The following SCRG1 variants were observed in gnomAD, a reference collection of about 807,000 sequenced individuals.
SCRG1 encodes the protein stimulator of chondrogenesis 1.
Under a neutral mutation model 7.7 loss-of-function variants are expected in SCRG1, and 3 were observed. The observed-to-expected ratio is 0.39, with a 90% CI of 0.18 to 1.01. The LOEUF is 1.01. Among genes scored for constraint, SCRG1 ranks in the 50% least tolerant of loss-of-function variants. The probability of loss-of-function intolerance (pLI) is 0.36; values close to 1 mark genes in which losing one functional copy is unlikely to be tolerated. For synonymous variants in SCRG1, 46 were observed against 41.2 expected, an observed-to-expected ratio of 1.12 and a Z score of -0.44; for missense variants, 110 against 117.2, an observed-to-expected ratio of 0.94 and a Z score of 0.28.
the SCRG1 span, among the ~76,000 whole-genome samples, chr4:173,424,010 G>C: frequency 2.0e-5 from 3 of 152,180 alleles, no homozygotes; most frequent in Non-Finnish European, 4.4e-5. Context: ...CCCAACAACA[G>C]CATAAATTTA....
the SCRG1 span, among the ~76,000 whole-genome samples, chr4:173,413,102 T>A: frequency 6.6e-6 from 1 of 151,034 alleles, no homozygotes; most frequent in African/African-American, 2.4e-5. Context: ...GTTGATCTCA[T>A]AAGTTGCATT....
At chr4:173,466,692 G>T in the SCRG1 span, among the ~76,000 whole-genome samples, 3 of 152,116 alleles carry the variant, frequency 2.0e-5, no homozygotes, top group Non-Finnish European at 4.4e-5. Context: ...GAAGTATGTG[G>T]ATCATCTGAT....
rs1739431603 is a variant in SCRG1 at position 173,391,226 on chromosome 4, C to T, written c.189G>A (p.Lys63=). ...VNVQDHFWDG[K]GCEMICYCNF... ...TGCAGTAACAGATCATCTCACATCC[C>T]TTCCCATCCCAGAAATGATCCTGGA... Residue 63 remains lysine (K), a synonymous_variant, in exon 2 of 3, where the codon AAG becomes AAA. Transcript: ENST00000296506. 5 of 1,614,040 alleles carry T rather than the reference C, an allele frequency of 3.1e-6. No individual in the cohort carries two copies. The highest frequency in any genetic ancestry group is 1.3e-5 in the African/African-American group (1 of 74,914).
At position 173,385,984 on chromosome 4, in the gene SCRG1, G is replaced by A. The variant is rs1233109882; in HGVS notation, c.*2357C>T. On this transcript the variant is annotated 3_prime_UTR_variant, in exon 3 of 3. Transcript: ENST00000296506. ...TGATTTCATTACCAGTCAATTCAGT[G>A]AAGAAAGAAAGGCCAATCAAATCAC... The A allele has an allele frequency of 5.3e-5, 8 of 152,166 alleles. No individual in the cohort carries two copies. The highest frequency in any genetic ancestry group is 1.9e-4 in the African/African-American group (8 of 41,424). The allele number at this position is 152,166 out of a possible 1,614,324, so 9.4% of individuals were successfully genotyped here.
chr4:173,511,176 C>G, the SCRG1 span, among the ~76,000 whole-genome samples: 1 of 152,082 alleles, frequency 6.6e-6, no homozygotes, highest in Non-Finnish European at 1.5e-5. This position sits in a 1 kb window ranked among gnomAD's most constrained non-coding sequence, Gnocchi z 5.2. Context: ...GGGTGTTTCA[C>G]CATGTTGGCC....
At chr4:173,424,647 C>T in the SCRG1 span, among the ~76,000 whole-genome samples, 3 of 152,094 alleles carry the variant, frequency 2.0e-5, no homozygotes, top group Admixed American at 6.6e-5. Flanking sequence ...CGGTGGCTCA[C>T]GCTTGTATCC....
At chr4:173,504,403 TC>T in the SCRG1 span, among the ~76,000 whole-genome samples, 1 of 152,124 alleles carries the variant, frequency 6.6e-6, no homozygotes, top group African/African-American at 2.4e-5. The surrounding 1 kb of genome is among the most constrained non-coding windows in gnomAD (Gnocchi z 4.7). Flanking sequence ...CACCGCTGCC[TC>T]CAGCTTTCCC....
At chr4:173,454,076 TAAA>T in the SCRG1 span, among the ~76,000 whole-genome samples, 1 of 131,380 alleles carries the variant, frequency 7.6e-6, no homozygotes, top group Non-Finnish European at 1.6e-5. Context: ...AGACTCCGTC[TAAA>T]AAAAAAAAAA....
chr4:173,490,258 TC>T, the SCRG1 span, among the ~76,000 whole-genome samples: 3 of 152,232 alleles, frequency 2.0e-5, no homozygotes, highest in African/African-American at 7.2e-5. Context: ...TTAAATCACT[TC>T]CCAAAGTGTC....
At chr4:173,507,068 C>T in the SCRG1 span, among the ~76,000 whole-genome samples, 1 of 152,246 alleles carries the variant, frequency 6.6e-6, no homozygotes. The surrounding 1 kb of genome is among the most constrained non-coding windows in gnomAD (Gnocchi z 4.4). Context: ...GGGCATTGCC[C>T]TCTGCAGCCT....
Position 173,384,972 on chromosome 4 carries a change from A to G in SCRG1, c.*3369T>C, listed in dbSNP as rs1305684370. The G allele has an allele frequency of 6.6e-6, 1 of 152,176 alleles. No individual in the cohort carries two copies. Among genetic ancestry groups the G allele is most frequent in the African/African-American group, 2.4e-5 (1 of 41,450 alleles). 9.4% of individuals were successfully genotyped at this position (152,176 alleles called of 1,614,324 possible). ...GCTGTTAAACAACATAGTGGTTAAG[A>G]CTCTAGATGCTAGTGTAAGACTGGC... On this transcript the variant is annotated 3_prime_UTR_variant, in exon 3 of 3. Coordinates refer to ENST00000296506, the MANE Select transcript of SCRG1 (RefSeq NM_007281.4).
chr4:173,409,205 C>T (rs1035894166), upstream of SCRG1, among the ~76,000 whole-genome samples: 1 of 152,038 alleles, frequency 6.6e-6, no homozygotes, highest in African/African-American at 2.4e-5. Context: ...AGGAGAGAAT[C>T]CCTGGGAATG....
At chr4:173,396,151 G>A (rs904038428) in intron 1 of SCRG1, among the ~76,000 whole-genome samples, 1 of 152,218 alleles carries the variant, frequency 6.6e-6, no homozygotes, top group African/African-American at 2.4e-5. Flanking sequence ...GTTGTCATTT[G>A]TTGAACTGAG....
chr4:173,410,334 G>A (rs78645250), upstream of SCRG1, among the ~76,000 whole-genome samples: 844 of 152,314 alleles, frequency 5.5e-3, 5 homozygotes, highest in African/African-American at 0.019. Flanking sequence ...TGTCTTGGGC[G>A]TCCATATGCA....
In SCRG1 at chr4:173,385,295, C is replaced by T. The variant is rs759775938; in HGVS notation, c.*3046G>A. On this transcript the variant is annotated 3_prime_UTR_variant, in exon 3 of 3. Coordinates refer to ENST00000296506, the MANE Select transcript of SCRG1 (RefSeq NM_007281.4). ...ACCAGCCTGTCCAACATGGCAAAAC[C>T]TCATTTCTACTAAAAAATACAAAAA... The T allele has an allele frequency of 6.6e-6, 1 of 152,048 alleles. No individual in the cohort carries two copies. Among genetic ancestry groups the T allele is most frequent in the Non-Finnish European group, 1.5e-5 (1 of 68,008 alleles). 9.4% of individuals were successfully genotyped at this position (152,048 alleles called of 1,614,324 possible). A position where few individuals can be genotyped will look rare whatever the true frequency, so the allele number is the denominator to read the frequency against.
upstream of SCRG1, among the ~76,000 whole-genome samples, chr4:173,410,908 T>G (rs988950061): frequency 6.6e-6 from 1 of 152,356 alleles, no homozygotes; most frequent in African/African-American, 2.4e-5. Context: ...AGAGGCCCTT[T>G]CCTGGCACCC....
the SCRG1 span, among the ~76,000 whole-genome samples, chr4:173,415,238 A>C: frequency 6.6e-6 from 1 of 152,224 alleles, no homozygotes; most frequent in East Asian, 1.9e-4. Context: ...GTGGCAAAAC[A>C]GGGTTTGCAA....
chr4:173,483,183 TTA>T, the SCRG1 span, among the ~76,000 whole-genome samples: 1 of 115,294 alleles, frequency 8.7e-6, no homozygotes, highest in African/African-American at 3.6e-5. Context: ...ATATAATATA[TTA>T]TATATGATAT....
intron 1 of SCRG1, among the ~76,000 whole-genome samples, chr4:173,393,759 G>T (rs1739515397): frequency 6.8e-6 from 1 of 147,868 alleles, no homozygotes; most frequent in South Asian, 2.2e-4. Flanking sequence ...TCTCATTTTA[G>T]TTCTGTCAAT....
Sources: gnomAD v4.1 joint callset for allele counts (sites outside exome capture counted in the v4.1 genomes callset) on GRCh38, gnomAD v4.1.1 for gene constraint, Gnocchi (gnomAD v3.1) non-coding constraint, MANE v1.5 for transcripts, NCBI Gene and HGNC (gene_info 2026-07-23, HGNC 2026-07-21) for gene names.